CWC27: variants seen among roughly 807,000 people sequenced by gnomAD.
The protein encoded by CWC27 is CWC27 spliceosome associated cyclophilin, also known as spliceosome-associated protein CWC27 homolog.
CWC27 carries 47 observed loss-of-function variants against 63.6 expected under a neutral mutation model. The ratio of observed to expected loss-of-function variants is 0.74; its 90% CI spans 0.58 to 0.94. CWC27 has a LOEUF of 0.94. CWC27 is among the 40% of genes least tolerant of loss of function. The pLI is 0.00. For synonymous variants in CWC27, 175 were observed against 179.8 expected (o/e 0.97, Z 0.22); for missense variants, 495 against 554.3 (o/e 0.89, Z 1.07).
At chr5:64,837,398 A>G (rs1271025336) in intron 10 of CWC27, among the ~76,000 whole-genome samples, 1 of 152,082 alleles carries the variant, frequency 6.6e-6, no homozygotes, top group Non-Finnish European at 1.5e-5. Context: ...TTAAATAAGC[A>G]GACCTTTTGT....
At chr5:64,972,644 A>G (rs967897689) in intron 12 of CWC27, 2 of 448,758 alleles carry the variant, frequency 4.5e-6, no homozygotes, top group African/African-American at 2.0e-5. Context: ...TCTTAATTTC[A>G]TTAAGAAAAA....
At chr5:64,968,156 A>G (rs1749052476) in intron 11 of CWC27, among the ~76,000 whole-genome samples, 1 of 152,098 alleles carries the variant, frequency 6.6e-6, no homozygotes, top group African/African-American at 2.4e-5. Context: ...ATCACTTGTC[A>G]TCAGAAAAGT....
intron 10 of CWC27, among the ~76,000 whole-genome samples, chr5:64,850,225 C>CAAAAAAAA (rs61174118): frequency 3.1e-5 from 4 of 129,666 alleles, no homozygotes; most frequent in South Asian, 2.5e-4. Flanking sequence ...TGGTACTGGC[C>CAAAAAAAA]AAAAAAAAAG....
At chr5:64,985,479 C>G (rs533286304) in intron 13 of CWC27, among the ~76,000 whole-genome samples, 11 of 152,264 alleles carry the variant, frequency 7.2e-5, no homozygotes, top group African/African-American at 2.6e-4. Context: ...TAGCAGTACC[C>G]TACACATGTG....
chr5:64,982,777 G>C (rs758836773), intron 13 of CWC27, among the ~76,000 whole-genome samples: 1 of 152,054 alleles, frequency 6.6e-6, no homozygotes, highest in Non-Finnish European at 1.5e-5. Context: ...ATTGTCTCTG[G>C]GCCCTTTACA....
intron 10 of CWC27, among the ~76,000 whole-genome samples, chr5:64,847,862 G>A (rs551065063): frequency 1.5e-4 from 23 of 151,700 alleles, no homozygotes; most frequent in Non-Finnish European, 2.4e-4. Flanking sequence ...TAAGACTTAC[G>A]GGATACAGCA....
chr5:64,897,601 G>T (rs778600053), intron 11 of CWC27, among the ~76,000 whole-genome samples: 6 of 152,146 alleles, frequency 3.9e-5, no homozygotes, highest in Non-Finnish European at 7.3e-5. Flanking sequence ...AGAGATGGGG[G>T]ATAAGGGGAG....
intron 1 of CWC27, among the ~76,000 whole-genome samples, chr5:64,771,956 T>C (rs1417868249): frequency 6.6e-6 from 1 of 152,228 alleles, no homozygotes; most frequent in Non-Finnish European, 1.5e-5. Context: ...ATGACTATCA[T>C]TTTTTGAGCA....
chr5:64,940,874 TCTTA>T (rs1748464088), intron 11 of CWC27, among the ~76,000 whole-genome samples: 1 of 134,086 alleles, frequency 7.5e-6, no homozygotes, highest in Non-Finnish European at 1.6e-5. Context: ...TTTGAGACAG[TCTTA>T]CTTTGTCGCC....
chr5:64,935,136 C>T (rs1476658890), intron 11 of CWC27, among the ~76,000 whole-genome samples: 11 of 152,110 alleles, frequency 7.2e-5, no homozygotes, highest in African/African-American at 2.4e-4. Flanking sequence ...TTTTGGCTTT[C>T]GTTGCCATTG....
intron 11 of CWC27, among the ~76,000 whole-genome samples, chr5:64,893,476 C>G (rs928187931): frequency 6.6e-6 from 1 of 152,142 alleles, no homozygotes; most frequent in African/African-American, 2.4e-5. Context: ...ATGATTAATG[C>G]AATAGCTGAT....
intron 7 of CWC27, among the ~76,000 whole-genome samples, chr5:64,790,309 T>G (rs544266020): frequency 6.6e-6 from 1 of 152,144 alleles, no homozygotes; most frequent in Non-Finnish European, 1.5e-5. Flanking sequence ...ATTTCCCAAT[T>G]CCTTAACGTC....
At chr5:64,942,846 A>G (rs1748512851) in intron 11 of CWC27, among the ~76,000 whole-genome samples, 1 of 152,232 alleles carries the variant, frequency 6.6e-6, no homozygotes, top group South Asian at 2.1e-4. Flanking sequence ...ATGCCTGTGC[A>G]TATAATGCCA....
At chr5:65,010,484 A>T (rs1309531) in intron 13 of CWC27, among the ~76,000 whole-genome samples, 63,191 of 152,062 alleles carry the variant, frequency 0.42, 13,311 homozygotes, top group South Asian at 0.45. Flanking sequence ...TAGAATGACA[A>T]TCTTAGTAAT....
intron 10 of CWC27, chr5:64,808,036 A>G: frequency 7.4e-7 from 1 of 1,342,454 alleles, no homozygotes; most frequent in Non-Finnish European, 9.5e-7. Context: ...TGCTCTGGAG[A>G]TTTTTGTCTC....
At chr5:64,924,503 C>G (rs1748066386) in intron 11 of CWC27, among the ~76,000 whole-genome samples, 1 of 152,176 alleles carries the variant, frequency 6.6e-6, no homozygotes, top group South Asian at 2.1e-4. Context: ...ATCTCTGATT[C>G]TTTCTGTATA....
chr5:64,784,545 GT>G (rs1471009469), intron 4 of CWC27, among the ~76,000 whole-genome samples: 1 of 151,990 alleles, frequency 6.6e-6, no homozygotes, highest in African/African-American at 2.4e-5. Context: ...TCATAAATAT[GT>G]TTCTATATGT....
intron 11 of CWC27, among the ~76,000 whole-genome samples, chr5:64,907,818 A>G (rs1222872483): frequency 2.0e-5 from 3 of 151,776 alleles, no homozygotes; most frequent in Non-Finnish European, 2.9e-5. Context: ...AGCTCTTATT[A>G]TTTTGAAATA....
intron 10 of CWC27, among the ~76,000 whole-genome samples, chr5:64,883,015 A>G (rs1385507867): frequency 6.6e-6 from 1 of 152,224 alleles, no homozygotes; most frequent in East Asian, 1.9e-4. Context: ...AAAGAGGTTT[A>G]ATTGACTCAC....
Sources: gnomAD v4.1 joint callset for allele counts (sites outside exome capture counted in the v4.1 genomes callset) on GRCh38, gnomAD v4.1.1 for gene constraint, MANE v1.5 for transcripts, NCBI Gene and HGNC (gene_info 2026-07-23, HGNC 2026-07-21) for gene names.